The following DLG2 variants were observed in gnomAD, a reference collection of about 807,000 sequenced individuals.
DLG2 encodes the protein disks large homolog 2.
DLG2 carries 45 observed loss-of-function variants against 132.5 expected under a neutral mutation model. The observed-to-expected ratio is 0.34, with a 90% confidence interval of 0.27 to 0.44. The LOEUF is 0.44. DLG2 is among the 20% of genes least tolerant of loss of function. The pLI, the probability that DLG2 is intolerant of heterozygous loss-of-function variation, is 1.00. For synonymous variants in DLG2, 424 were observed against 419.6 expected (o/e 1.01, Z -0.13); for missense variants, 1,045 against 1,196.9 (o/e 0.87, Z 1.87).
At chr11:84,254,980 C>G (rs2097443127) in intron 7 of DLG2, among the ~76,000 whole-genome samples, 1 of 152,186 alleles carries the variant, frequency 6.6e-6, no homozygotes, top group Non-Finnish European at 1.5e-5. Flanking sequence ...ACGGTAGGCT[C>G]TTCTGAATGA....
intron 19 of DLG2, among the ~76,000 whole-genome samples, chr11:83,625,879 A>T (rs960807047): frequency 6.6e-6 from 1 of 152,208 alleles, no homozygotes; most frequent in Admixed American, 6.5e-5. Context: ...GACTCGATGC[A>T]CTTGGTGTCA....
At chr11:84,519,717 A>C (rs2154516315) in intron 7 of DLG2, among the ~76,000 whole-genome samples, 1 of 152,298 alleles carries the variant, frequency 6.6e-6, no homozygotes, top group South Asian at 2.1e-4. Context: ...ATTTATTCTC[A>C]AGGACAAGCA....
At chr11:84,986,079 G>T (rs2056450892) in intron 6 of DLG2, among the ~76,000 whole-genome samples, 1 of 141,422 alleles carries the variant, frequency 7.1e-6, no homozygotes, top group Non-Finnish European at 1.5e-5. Flanking sequence ...GAAAAGAAGA[G>T]ATAAAAATCC....
intron 6 of DLG2, among the ~76,000 whole-genome samples, chr11:84,574,405 A>G (rs1758951820): frequency 6.6e-6 from 1 of 151,944 alleles, no homozygotes; most frequent in Non-Finnish European, 1.5e-5. Context: ...AAACCAACAC[A>G]TTAATGTCAA....
chr11:84,363,196 G>A (rs1410370429), intron 7 of DLG2, among the ~76,000 whole-genome samples: 10 of 151,602 alleles, frequency 6.6e-5, no homozygotes, highest in South Asian at 2.1e-4. Flanking sequence ...TTTAATGATC[G>A]CCATTCTAAC....
intron 7 of DLG2, among the ~76,000 whole-genome samples, chr11:84,423,634 C>T (rs1241819266): frequency 6.6e-6 from 1 of 152,098 alleles, no homozygotes; most frequent in East Asian, 1.9e-4. Flanking sequence ...ACCATCACAT[C>T]CCAGCTTCTC....
intron 5 of DLG2, among the ~76,000 whole-genome samples, chr11:85,144,214 G>C (rs1287490557): frequency 6.6e-6 from 1 of 151,472 alleles, no homozygotes; most frequent in Non-Finnish European, 1.5e-5. Flanking sequence ...TCCTATCTTA[G>C]AATTTATTCT....
At chr11:84,643,606 C>G (rs1027317373) in intron 6 of DLG2, among the ~76,000 whole-genome samples, 14 of 152,146 alleles carry the variant, frequency 9.2e-5, no homozygotes, top group African/African-American at 3.1e-4. Context: ...GGAATCTTAT[C>G]TCTTACAAAG....
intron 6 of DLG2, among the ~76,000 whole-genome samples, chr11:84,621,002 G>C (rs930160631): frequency 6.6e-6 from 1 of 152,040 alleles, no homozygotes; most frequent in Non-Finnish European, 1.5e-5. Context: ...GCACAGAGTA[G>C]AAACGAACAA....
intron 7 of DLG2, among the ~76,000 whole-genome samples, chr11:84,286,246 C>T (rs2097908862): frequency 6.6e-6 from 1 of 152,172 alleles, no homozygotes; most frequent in East Asian, 1.9e-4. Flanking sequence ...AAAGCTCAGA[C>T]TTTACAGTGG....
At chr11:85,515,917 A>T (rs955941933) in intron 3 of DLG2, among the ~76,000 whole-genome samples, 1 of 152,092 alleles carries the variant, frequency 6.6e-6, no homozygotes, top group African/African-American at 2.4e-5. Flanking sequence ...AGAAAGAAAT[A>T]GAATCAGTTC....
chr11:85,535,785 C>G (rs891968832), intron 3 of DLG2, among the ~76,000 whole-genome samples: 10 of 152,032 alleles, frequency 6.6e-5, no homozygotes, highest in Admixed American at 6.6e-4. Context: ...TATATTCATA[C>G]AAAAGAATAA....
intron 3 of DLG2, among the ~76,000 whole-genome samples, chr11:85,446,687 G>C (rs2092024982): frequency 6.6e-6 from 1 of 151,980 alleles, no homozygotes; most frequent in Non-Finnish European, 1.5e-5. Flanking sequence ...TACAACCACA[G>C]ATGCATCTTA....
intron 3 of DLG2, among the ~76,000 whole-genome samples, chr11:85,428,372 C>A (rs1259519153): frequency 6.6e-6 from 1 of 152,076 alleles, no homozygotes; most frequent in Non-Finnish European, 1.5e-5. Flanking sequence ...ACCACTTAGT[C>A]GGAAGTAAAG....
chr11:85,007,440 C>T (rs2058761990), intron 6 of DLG2, among the ~76,000 whole-genome samples: 1 of 151,714 alleles, frequency 6.6e-6, no homozygotes, highest in South Asian at 2.1e-4. Flanking sequence ...GCGGGTGGAT[C>T]ACGAGGTCAG....
chr11:85,421,135 G>T (rs563064749), intron 3 of DLG2, among the ~76,000 whole-genome samples: 23 of 152,296 alleles, frequency 1.5e-4, no homozygotes, highest in African/African-American at 4.8e-4. Context: ...GGGTTGTGAA[G>T]ACCACGGGAA....
chr11:85,606,652 T>C (rs910634605), intron 2 of DLG2, among the ~76,000 whole-genome samples: 1 of 152,112 alleles, frequency 6.6e-6, no homozygotes, highest in Admixed American at 6.6e-5. Flanking sequence ...GAAGCTTTGT[T>C]CTTTCGCTCT....
At chr11:84,757,638 T>G (rs763315539) in intron 6 of DLG2, among the ~76,000 whole-genome samples, 2 of 152,206 alleles carry the variant, frequency 1.3e-5, no homozygotes, top group Non-Finnish European at 2.9e-5. Flanking sequence ...GTGATGATGA[T>G]GATTTCCCTC....
intron 18 of DLG2, among the ~76,000 whole-genome samples, chr11:83,760,482 G>A (rs1451961927): frequency 7.4e-6 from 1 of 134,762 alleles, no homozygotes; most frequent in Non-Finnish European, 1.6e-5. Context: ...TTTTTTTTTT[G>A]GAGCTGGGAT....
Sources: allele counts gnomAD v4.1 joint callset (sites outside exome capture counted in the v4.1 genomes callset), GRCh38; gene constraint gnomAD v4.1.1; transcripts MANE v1.5; gene names NCBI Gene and HGNC (gene_info 2026-07-23, HGNC 2026-07-21).